The following LRRC63 variants were observed in gnomAD, a reference collection of about 807,000 sequenced individuals.
LRRC63 encodes leucine-rich repeat-containing protein 63.
Under a neutral mutation model 49.5 loss-of-function variants are expected in LRRC63, and 40 were observed. That is an observed-to-expected ratio of 0.81 (90% confidence interval 0.63 to 1.05). LRRC63 has a LOEUF of 1.05. Ranked by LOEUF, LRRC63 falls within the 50% of genes least tolerant of loss-of-function variation. The pLI, the probability that LRRC63 is intolerant of heterozygous loss-of-function variation, is 0.00. For missense variants in LRRC63, 636 were observed against 663.1 expected, an observed-to-expected ratio of 0.96 and a Z score of 0.45; for synonymous variants, 191 against 221.1, an observed-to-expected ratio of 0.86 and a Z score of 1.21.
chr13:46,235,212 G>T (rs1025166144), intron 5 of LRRC63, among the ~76,000 whole-genome samples: 1 of 152,158 alleles, frequency 6.6e-6, no homozygotes, highest in African/African-American at 2.4e-5. Context: ...GAGTCGATCT[G>T]AAAAGATGAA....
chr13:46,273,848 GT>G (rs2047793921), intron 9 of LRRC63, among the ~76,000 whole-genome samples: 1 of 151,030 alleles, frequency 6.6e-6, no homozygotes, highest in African/African-American at 2.5e-5. Flanking sequence ...GGAGGCAGAG[GT>G]TGCAGTGAGC....
intron 2 of LRRC63, among the ~76,000 whole-genome samples, chr13:46,218,986 G>A (rs891178209): frequency 1.3e-5 from 2 of 152,144 alleles, no homozygotes; most frequent in Non-Finnish European, 2.9e-5. Context: ...TAGTCTGATG[G>A]ACTTCCCTTT....
At position 46,227,645 on chromosome 13, in the gene LRRC63, CT is replaced by C. The variant is rs1372874774; in HGVS notation, c.222del (p.Asp76IlefsTer8). The C allele has an allele frequency of 6.5e-7, 1 of 1,550,270 alleles. No homozygotes were observed. The highest frequency in any genetic ancestry group is 8.7e-7 in the Non-Finnish European group (1 of 1,146,884). ...TAACACCTATCAATATCCAAAATAT[CT>C]TTCTTGATCACTGTGTACAAGAAAG... On this transcript the variant is annotated frameshift_variant, in exon 3 of 10. Coordinates refer to ENST00000595396, the Ensembl canonical transcript of LRRC63. LOFTEE classifies it high-confidence loss of function.
At chr13:46,274,650 C>T (rs1190692140) in intron 9 of LRRC63, among the ~76,000 whole-genome samples, 1 of 152,166 alleles carries the variant, frequency 6.6e-6, no homozygotes, top group Non-Finnish European at 1.5e-5. Context: ...ACTCATGTTC[C>T]ACAGATTTTT....
intron 2 of LRRC63, among the ~76,000 whole-genome samples, chr13:46,222,634 A>G (rs1474809335): frequency 2.6e-5 from 4 of 152,082 alleles, no homozygotes; most frequent in Admixed American, 2.0e-4. Flanking sequence ...TAGTTCAACC[A>G]TTGTGGAAGT....
At chr13:46,216,713 C>T (rs1385043768) in intron 2 of LRRC63, among the ~76,000 whole-genome samples, 4 of 152,118 alleles carry the variant, frequency 2.6e-5, no homozygotes, top group Non-Finnish European at 5.9e-5. Flanking sequence ...CAGCTTTTGC[C>T]CATTCAGTAT....
chr13:46,251,359 C>T (rs1244152447), intron 7 of LRRC63, among the ~76,000 whole-genome samples: 2 of 151,858 alleles, frequency 1.3e-5, no homozygotes, highest in East Asian at 3.9e-4. Context: ...ATATACATAT[C>T]ACACATTACA....
At chr13:46,271,500 T>G (rs1953777799) in intron 9 of LRRC63, among the ~76,000 whole-genome samples, 1 of 152,112 alleles carries the variant, frequency 6.6e-6, no homozygotes, top group South Asian at 2.1e-4. Context: ...ACTGCAACAC[T>G]GTGACTGCTT....
chr13:46,212,845 TA>T (rs1187267191), intron 1 of LRRC63, among the ~76,000 whole-genome samples, 156 bp from the exon 2 acceptor site: 1 of 152,208 alleles, frequency 6.6e-6, no homozygotes, highest in Non-Finnish European at 1.5e-5. Context: ...TTTAAAGAAT[TA>T]TTTTCTTACC....
chr13:46,213,099 A>G, exon 2 of LRRC63: 5 of 1,548,412 alleles, frequency 3.2e-6, no homozygotes, highest in Non-Finnish European at 4.4e-6. Flanking sequence ...CTGTCTTTAC[A>G]TGAGAAAAAA....
At chr13:46,221,286 G>C (rs2046400270) in intron 2 of LRRC63, among the ~76,000 whole-genome samples, 1 of 152,214 alleles carries the variant, frequency 6.6e-6, no homozygotes, top group South Asian at 2.1e-4. Context: ...TTTCCACATA[G>C]CATGATGAAC....
At chr13:46,264,750 T>C (rs73482640) in intron 8 of LRRC63, among the ~76,000 whole-genome samples, 17,268 of 151,972 alleles carry the variant, frequency 0.11, 1,873 homozygotes, top group African/African-American at 0.28. Flanking sequence ...GGCAGTCACA[T>C]AACACCACTC....
intron 5 of LRRC63, among the ~76,000 whole-genome samples, chr13:46,244,678 G>C (rs2047163332): frequency 6.6e-6 from 1 of 152,128 alleles, no homozygotes; most frequent in African/African-American, 2.4e-5. Flanking sequence ...GGAGGCTGAG[G>C]AAGATCATAA....
intron 4 of LRRC63, among the ~76,000 whole-genome samples, chr13:46,230,030 A>G (rs2046699846): frequency 1.3e-5 from 2 of 152,090 alleles, no homozygotes; most frequent in Admixed American, 1.3e-4. Flanking sequence ...CACTATCATG[A>G]GGGCAGCACA....
intron 7 of LRRC63, among the ~76,000 whole-genome samples, chr13:46,251,537 T>G (rs985277725): frequency 2.6e-5 from 4 of 151,990 alleles, no homozygotes; most frequent in African/African-American, 9.6e-5. Context: ...TTCCTTTTAT[T>G]AGAAAATAGT....
At chr13:46,270,265 TA>T in intron 9 of LRRC63, 1 of 885,526 alleles carries the variant, frequency 1.1e-6, no homozygotes, top group Non-Finnish European at 1.9e-6. Context: ...GAAAAACAAT[TA>T]AAAGCATTCC....
chr13:46,228,799 G>C (rs867585059), intron 4 of LRRC63, 66 bp downstream of exon 4: 15 of 1,140,990 alleles, frequency 1.3e-5, no homozygotes, highest in Middle Eastern at 2.0e-4. Flanking sequence ...AAAAAATTAT[G>C]GGTGATTTTT....
chr13:46,217,380 T>G (rs981019835), intron 2 of LRRC63, among the ~76,000 whole-genome samples: 6 of 152,222 alleles, frequency 3.9e-5, no homozygotes, highest in East Asian at 1.9e-4. Context: ...TCTTCTAGAT[T>G]TTCTAGTTTA....
At chr13:46,213,438 G>A (rs1211108213) in intron 2 of LRRC63, among the ~76,000 whole-genome samples, 1 of 152,222 alleles carries the variant, frequency 6.6e-6, no homozygotes, top group Non-Finnish European at 1.5e-5. Context: ...CAGCTGAGGT[G>A]GAACAAGGCT....
Sources: allele counts gnomAD v4.1 joint callset (sites outside exome capture counted in the v4.1 genomes callset), GRCh38; gene constraint gnomAD v4.1.1; transcripts MANE v1.5; gene names NCBI Gene and HGNC (gene_info 2026-07-23, HGNC 2026-07-21).